The following PTBP2 variants were observed in gnomAD, a reference collection of about 807,000 sequenced individuals.
The protein encoded by PTBP2 is polypyrimidine tract binding protein 2, also known as polypyrimidine tract-binding protein 2.
PTBP2 carries 13 observed loss-of-function variants against 61.4 expected under a neutral mutation model. That is an observed-to-expected ratio of 0.21 (90% CI 0.14 to 0.34). The LOEUF is 0.34. Ranked by LOEUF, PTBP2 falls within the 10% of genes least tolerant of loss-of-function variation. PTBP2 has a pLI of 1.00. For missense variants in PTBP2, 405 were observed against 642.6 expected, an observed-to-expected ratio of 0.63 and a Z score of 4.00; for synonymous variants, 215 against 218.5, an observed-to-expected ratio of 0.98 and a Z score of 0.14.
At chr1:96,748,797 G>A (rs1195884027) in intron 2 of PTBP2, among the ~76,000 whole-genome samples, 1 of 152,150 alleles carries the variant, frequency 6.6e-6, no homozygotes, top group Non-Finnish European at 1.5e-5. Context: ...TAAGTTAAAT[G>A]ACCAGGCTGA....
At chr1:96,730,639 A>G (rs981561213) in intron 2 of PTBP2, among the ~76,000 whole-genome samples, 1 of 152,128 alleles carries the variant, frequency 6.6e-6, no homozygotes, top group African/African-American at 2.4e-5. Context: ...TTCACTGAAT[A>G]CTCTGATGAT....
At chr1:96,796,737 G>A (rs1660432834) in intron 8 of PTBP2, among the ~76,000 whole-genome samples, 1 of 152,118 alleles carries the variant, frequency 6.6e-6, no homozygotes, top group Non-Finnish European at 1.5e-5. Flanking sequence ...TGAGCAGAGT[G>A]TTGGCTCAAG....
At chr1:96,779,683 C>G (rs1420048927) in intron 7 of PTBP2, among the ~76,000 whole-genome samples, 1 of 152,018 alleles carries the variant, frequency 6.6e-6, no homozygotes, top group East Asian at 1.9e-4. Flanking sequence ...TTACTAAGTA[C>G]TTATTCTGGT....
intron 2 of PTBP2, 33 bp downstream of exon 2, chr1:96,723,627 T>C: frequency 6.5e-7 from 1 of 1,541,958 alleles, no homozygotes; most frequent in Non-Finnish European, 8.9e-7. Context: ...ACTGGGATTG[T>C]TGGATCTATT....
At chr1:96,790,105 T>TC (rs1427992577) in intron 8 of PTBP2, among the ~76,000 whole-genome samples, 2 of 152,116 alleles carry the variant, frequency 1.3e-5, no homozygotes, top group African/African-American at 4.8e-5. Flanking sequence ...CTACTCCCAA[T>TC]CTCTCATTCA....
chr1:96,745,480 C>A (rs940735014), intron 2 of PTBP2, among the ~76,000 whole-genome samples: 7 of 152,038 alleles, frequency 4.6e-5, no homozygotes, highest in African/African-American at 1.7e-4. Flanking sequence ...CTTTTTAATC[C>A]CCCTTCTTAC....
At chr1:96,805,556 G>C (rs1661420284) in intron 9 of PTBP2, among the ~76,000 whole-genome samples, 1 of 149,976 alleles carries the variant, frequency 6.7e-6, no homozygotes, top group Admixed American at 6.7e-5. Flanking sequence ...TTATTGCTAA[G>C]TTATTTTCTT....
chr1:96,812,398 A>C (rs752183523), intron 11 of PTBP2, among the ~76,000 whole-genome samples: 4 of 152,188 alleles, frequency 2.6e-5, no homozygotes, highest in Non-Finnish European at 4.4e-5. Flanking sequence ...CAGAAGGGAG[A>C]AAAAGAGCTA....
chr1:96,745,046 T>C (rs949846637), intron 2 of PTBP2, among the ~76,000 whole-genome samples: 4 of 152,176 alleles, frequency 2.6e-5, no homozygotes, highest in East Asian at 1.9e-4. Context: ...TTTTTTGTTA[T>C]ATTAATCAAA....
chr1:96,735,137 G>A (rs1651996286), intron 2 of PTBP2, among the ~76,000 whole-genome samples: 1 of 151,824 alleles, frequency 6.6e-6, no homozygotes, highest in Non-Finnish European at 1.5e-5. Flanking sequence ...AGGCTGACTT[G>A]GAACTCCTGA....
Position 96,804,813 on chromosome 1 carries a change from T to C in PTBP2, c.918T>C (p.Ala306=). ...KETSLLAVPG[A]LSPLAIPNAA... is the part of the protein sequence containing the mutation. ...TTCCTGTTGCAGCTGTTCCAGGAGC[T>C]CTGAGTCCTTTGGCCATTCCAAATG... Residue 306 remains alanine, a synonymous_variant, in exon 9 of 14, where the codon GCT becomes GCC. Transcript: ENST00000674951. 1 of 1,610,244 alleles carries C rather than the reference T, an allele frequency of 6.2e-7. No individual in the cohort carries two copies. The highest frequency in any genetic ancestry group is 8.5e-7 in the Non-Finnish European group (1 of 1,177,746).
chr1:96,740,117 GCTAC>G (rs926678414), intron 2 of PTBP2, among the ~76,000 whole-genome samples: 125 of 152,186 alleles, frequency 8.2e-4, no homozygotes, highest in Middle Eastern at 3.4e-3. Flanking sequence ...CCTTTTTAAG[GCTAC>G]ATAGCATTCC....
intron 11 of PTBP2, among the ~76,000 whole-genome samples, chr1:96,811,923 C>A (rs1662126373): frequency 6.6e-6 from 1 of 152,168 alleles, no homozygotes; most frequent in Admixed American, 6.5e-5. Flanking sequence ...TCTGTTTTCA[C>A]ACACTGCACT....
rs535182759 is a variant in PTBP2 at position 96,821,001 on chromosome 1, G to T, written c.*7596G>T. ...GCAAAATAAGGACATCAGGGAACAG[G>T]AGGCTGAGCATATCACCATTTACCA... On this transcript the variant is annotated 3_prime_UTR_variant, in exon 14 of 14. Coordinates refer to the PTBP2 transcript ENST00000609116. 4 of 152,296 alleles carry T rather than the reference G, an allele frequency of 2.6e-5. No homozygotes were observed. In the South Asian group the frequency reaches 8.3e-4, roughly 32 times the overall value. The allele number at this position is 152,296 out of a possible 1,614,324, so 9.4% of individuals were successfully genotyped here.
intron 7 of PTBP2, chr1:96,784,816 A>G (rs1016086699): frequency 2.6e-6 from 1 of 387,980 alleles, no homozygotes; most frequent in South Asian, 3.7e-5. Context: ...AAGTATTAGC[A>G]TGGATGCTTA....
intron 7 of PTBP2, among the ~76,000 whole-genome samples, chr1:96,783,475 T>A (rs555356763): frequency 6.6e-6 from 1 of 152,058 alleles, no homozygotes; most frequent in Non-Finnish European, 1.5e-5. Context: ...ACCTCAGTAT[T>A]GCTGGGAAAG....
chr1:96,768,930 A>G lies in PTBP2; in HGVS notation c.116-773A>G, dbSNP rs1201505041. 3.3e-5 allele frequency among the ~76,000 whole-genome samples: 5 copies of G among 152,130 alleles called. No individual in the cohort carries two copies. The East Asian group carries it at 7.7e-4, about 23-fold the overall frequency. On this transcript the variant is annotated intron_variant, in intron 3 of 13. Coordinates refer to ENST00000674951, the MANE Select transcript of PTBP2 (RefSeq NM_021190.4). ...GATCCCACCTTCAAGTACATTTTTC[A>G]AATCAAACAATTTATAATTTCTCAG...
At chr1:96,746,823 G>A (rs1237225816) in intron 2 of PTBP2, among the ~76,000 whole-genome samples, 1 of 80,140 alleles carries the variant, frequency 1.2e-5, no homozygotes, top group Non-Finnish European at 2.7e-5. Flanking sequence ...TGTCTTGTCT[G>A]TCTGTCTGTC....
rs185306856 is a variant in PTBP2, at chr1:96,739,531, A to C, written c.40-11894A>C. Among the ~76,000 whole-genome samples, 157 of 151,314 alleles carry C rather than the reference A, an allele frequency of 1.0e-3. 1 individual carries two copies. The highest frequency in any genetic ancestry group is 1.2e-3 in the Admixed American group (18 of 15,224). On this transcript the variant is annotated intron_variant, in intron 2 of 13. Coordinates refer to ENST00000674951, the MANE Select transcript of PTBP2 (RefSeq NM_021190.4). ...TGAATTTGACTACTTTAAATACCTC[A>C]CATAAGTGGAATTATACAGTATAGG...
Sources: gnomAD v4.1 joint callset for allele counts (sites outside exome capture counted in the v4.1 genomes callset) on GRCh38, gnomAD v4.1.1 for gene constraint, MANE v1.5 for transcripts, NCBI Gene and HGNC (gene_info 2026-07-23, HGNC 2026-07-21) for gene names.